Variants in CARD8 observed in about 807,000 individuals in gnomAD.
CARD8 encodes caspase recruitment domain-containing protein 8.
A neutral mutation model predicts 53.2 loss-of-function variants in CARD8; 38 were observed. The observed-to-expected ratio is 0.71, with a 90% CI of 0.55 to 0.94. CARD8 has a LOEUF of 0.94. Ranked by LOEUF, CARD8 falls within the 40% of genes least tolerant of loss-of-function variation. The probability of loss-of-function intolerance (pLI) is 0.00; values close to 1 mark genes in which losing one functional copy is unlikely to be tolerated. For synonymous variants in CARD8, 245 were observed against 244.9 expected, an observed-to-expected ratio of 1.00 and a Z score of 0.00; for missense variants, 561 against 655.5, an observed-to-expected ratio of 0.86 and a Z score of 1.57.
At chr19:48,228,760 G>A (rs921368212) in intron 10 of CARD8, among the ~76,000 whole-genome samples, 2 of 152,160 alleles carry the variant, frequency 1.3e-5, no homozygotes, top group Non-Finnish European at 2.9e-5. Context: ...CGGTGGAGGG[G>A]AAAGAGGATG....
Position 48,208,249 on chromosome 19 carries a change from G to T in CARD8, c.*3461C>A, listed in dbSNP as rs969956013. Reference sequence around the variant, plus strand: ...TCACAATCATGAAGAGGATGGAGCTGCAGAATCTGAGCATATAAAGACTTT... The same window carrying T: ...TCACAATCATGAAGAGGATGGAGCTTCAGAATCTGAGCATATAAAGACTTT... On this transcript the variant is annotated 3_prime_UTR_variant, in exon 14 of 14. Transcript: ENST00000651546. 6.6e-6 allele frequency: 1 copy of T among 152,126 alleles called. No homozygotes were observed. The allele number at this position is 152,126 out of a possible 1,614,324, so 9.4% of individuals were successfully genotyped here.
At chr19:48,207,732 C>CTTTTTTTTTTTTTTTTTTTTT (rs2037420712), downstream of CARD8, among the ~76,000 whole-genome samples, 1 of 91,278 alleles carries the variant, frequency 1.1e-5, no homozygotes, top group Non-Finnish European at 2.1e-5. Flanking sequence ...TGTTGTTTTT[C>CTTTTTTTTTTTTTTTTTTTTT]TGTTTTTTTT....
intron 11 of CARD8, among the ~76,000 whole-genome samples, chr19:48,220,985 G>A (rs542144551): frequency 2.1e-5 from 2 of 95,224 alleles, no homozygotes; most frequent in African/African-American, 8.5e-5. Context: ...AAGGAAGGAA[G>A]GAAGGAAGGA....
At chr19:48,230,132 C>G (rs998736588) in intron 10 of CARD8, among the ~76,000 whole-genome samples, 1 of 151,930 alleles carries the variant, frequency 6.6e-6, no homozygotes, top group Admixed American at 6.6e-5. Flanking sequence ...AAAAAAACAA[C>G]CTGGTGAAAA....
chr19:48,221,707 AGTTG>A lies in CARD8; in HGVS notation c.1161+19_1161+22del, dbSNP rs913393970. ...ATATAAAACACTCTGAAACCTGCTG[AGTTG>A]GGTTTGAATTCTACTAACCTTGGGC... On this transcript the variant is annotated intron_variant, in intron 11 of 13. Transcript: ENST00000651546. 3.3e-6 allele frequency: 5 copies of A among 1,505,534 alleles called. No individual in the cohort carries two copies. In the African/African-American group the frequency reaches 5.5e-5, roughly 17 times the overall value. The allele number at this position is 1,505,534 out of a possible 1,614,324, so 93.3% of individuals were successfully genotyped here. A position where few individuals can be genotyped will look rare whatever the true frequency, so the allele number is the denominator to read the frequency against.
chr19:48,207,732 C>CTTTTTTTTTTTTTTTTTTTTTT (rs2037420712), downstream of CARD8, among the ~76,000 whole-genome samples: 1 of 91,276 alleles, frequency 1.1e-5, no homozygotes. Context: ...TGTTGTTTTT[C>CTTTTTTTTTTTTTTTTTTTTTT]TGTTTTTTTT....
rs1424558715 is a variant in CARD8 at position 48,208,854 on chromosome 19, T to G, written c.*2856A>C. The G allele has an allele frequency of 6.6e-6, 1 of 151,540 alleles. No homozygotes were observed. The highest frequency in any genetic ancestry group is 2.4e-5 in the African/African-American group (1 of 41,182). The allele number at this position is 151,540 out of a possible 1,614,324, so 9.4% of individuals were successfully genotyped here. ...AAAAAATTAGCCGGGCGTGTTGGCATGCACCTGTAGTCCTAGCTACTCAGG... is the reference window on the plus strand; with the variant it reads ...AAAAAATTAGCCGGGCGTGTTGGCAGGCACCTGTAGTCCTAGCTACTCAGG... On this transcript the variant is annotated 3_prime_UTR_variant, in exon 14 of 14. Coordinates refer to ENST00000651546, the MANE Select transcript of CARD8 (RefSeq NM_001184900.3).
intron 3 of CARD8, among the ~76,000 whole-genome samples, chr19:48,244,472 G>A (rs1398857397): frequency 6.6e-6 from 1 of 152,188 alleles, no homozygotes; most frequent in African/African-American, 2.4e-5. Flanking sequence ...GTCAGGAAGT[G>A]CCAGAGGAGT....
chr19:48,220,833 C>A (rs905906123), intron 11 of CARD8, among the ~76,000 whole-genome samples: 2 of 151,798 alleles, frequency 1.3e-5, no homozygotes, highest in Admixed American at 1.3e-4. Flanking sequence ...ATCACTTGAA[C>A]CTGGGAGGCG....
chr19:48,219,246 C>T (rs1400606434), intron 11 of CARD8, among the ~76,000 whole-genome samples: 1 of 152,152 alleles, frequency 6.6e-6, no homozygotes, highest in African/African-American at 2.4e-5. Context: ...CAGAGAAAAA[C>T]TATCTGAGCT....
chr19:48,237,233 T>C (rs1475058557), intron 5 of CARD8, among the ~76,000 whole-genome samples: 1 of 151,806 alleles, frequency 6.6e-6, no homozygotes, highest in South Asian at 2.1e-4. Context: ...TAACTCATGG[T>C]GGAAGGTGAA....
downstream of CARD8, chr19:48,206,619 TA>T (rs2037354791): frequency 4.7e-6 from 2 of 421,210 alleles, no homozygotes; most frequent in Non-Finnish European, 4.8e-6. Flanking sequence ...AAAGGGCACC[TA>T]GGGGTGTTAC....
In CARD8 at chr19:48,230,508, T is replaced by G; in HGVS notation, c.965A>C (p.Tyr322Ser). 1 of 1,614,002 alleles carries G rather than the reference T, an allele frequency of 6.2e-7. No homozygotes were observed. Among genetic ancestry groups the G allele is most frequent in the South Asian group, 1.1e-5 (1 of 91,078 alleles). Reference sequence around the variant, plus strand: ...AATATCTTCGGGGTGGGGGTGATAATAGATCAATGTGTTGGAAGTGATGGG... The same window carrying G: ...AATATCTTCGGGGTGGGGGTGATAAGAGATCAATGTGTTGGAAGTGATGGG... ...SIPITSNTLI[Y>S]YHPHPEDIKF... The change falls in exon 10 of 14, where the codon TAT (tyrosine) becomes TCT (serine). Residue 322 changes from tyrosine to serine, a missense_variant. By Grantham distance (144) the Tyr-to-Ser change is moderately radical (BLOSUM62 -2). Transcript: ENST00000651546.
At position 48,221,732 on chromosome 19, in the gene CARD8, T is replaced by C. The variant is rs374000674; in HGVS notation, c.1159A>G (p.Lys387Glu). The change falls in exon 11 of 14, where the codon AAG (lysine) becomes GAG (glutamate). Residue 387 changes from lysine to glutamate, a missense_variant and splice_region_variant. Lys to Glu is a moderately conservative substitution (Grantham distance 56). Coordinates refer to ENST00000651546, the MANE Select transcript of CARD8 (RefSeq NM_001184900.3). ...AGTTGGGTTTGAATTCTACTAACCT[T>C]GGGCATTACTTTCAGGTTAGCAGAA... ...SNSANLKVMP[K>E]ELKLSYRSPG... is the part of the protein sequence containing the mutation. The C allele has an allele frequency of 5.1e-6, 8 of 1,582,016 alleles. No individual in the cohort carries two copies. The highest frequency in any genetic ancestry group is 6.9e-6 in the Non-Finnish European group (8 of 1,158,900).
chr19:48,231,027 G>A (rs368761208), intron 8 of CARD8, 21 bp from the exon 9 acceptor site: 3 of 1,586,642 alleles, frequency 1.9e-6, no homozygotes, highest in African/African-American at 2.7e-5. Context: ...CCAGAGTGAT[G>A]TCATGACGGG....
chr19:48,240,828 G>A, intron 4 of CARD8, 134 bp downstream of exon 4: 1 of 744,848 alleles, frequency 1.3e-6, no homozygotes, highest in Non-Finnish European at 2.2e-6. Flanking sequence ...TTCATGCAGA[G>A]ATGGGTGAAT....
At position 48,210,188 on chromosome 19, in the gene CARD8, G is replaced by T. The variant is rs1062806; in HGVS notation, c.*1522C>A. On this transcript the variant is annotated 3_prime_UTR_variant, in exon 14 of 14. Coordinates refer to ENST00000651546, the MANE Select transcript of CARD8 (RefSeq NM_001184900.3). ...TGCAGATTTCTCATCAGGAAATACG[G>T]AAGCTAAAAGGAAACTGCTGAACAG... 0.31 allele frequency: 47,647 copies of T among 151,980 alleles called. 7,818 individuals carry two copies. Among genetic ancestry groups the T allele is most frequent in the East Asian group, 0.52 (2,690 of 5,170 alleles). The allele number at this position is 151,980 out of a possible 1,614,324, so 9.4% of individuals were successfully genotyped here. A position where few individuals can be genotyped will look rare whatever the true frequency, so the allele number is the denominator to read the frequency against.
At chr19:48,207,937 T>G (rs1165803557), downstream of CARD8, 2 of 151,954 alleles carry the variant, frequency 1.3e-5, no homozygotes, top group Admixed American at 6.6e-5. Context: ...GGTTTCACCA[T>G]GTTGGCCAGG....
At chr19:48,212,082 G>A in intron 13 of CARD8, 107 bp from the exon 14 acceptor site, 1 of 1,038,404 alleles carries the variant, frequency 9.6e-7, no homozygotes, top group East Asian at 2.4e-5. Flanking sequence ...TGCTCCTTGT[G>A]TCTGTAGCTT....
Sources: gnomAD v4.1 joint callset for allele counts (sites outside exome capture counted in the v4.1 genomes callset) on GRCh38, gnomAD v4.1.1 for gene constraint, MANE v1.5 for transcripts, NCBI Gene and HGNC (gene_info 2026-07-23, HGNC 2026-07-21) for gene names.